The following BCAR1 variants were observed in gnomAD, a reference collection of about 807,000 sequenced individuals.
BCAR1 encodes the protein BCAR1 scaffold protein, Cas family member.
Under a neutral mutation model 67.6 loss-of-function variants are expected in BCAR1, and 30 were observed. The ratio of observed to expected loss-of-function variants is 0.44; its 90% CI spans 0.33 to 0.60. BCAR1 has a LOEUF of 0.60. Ranked by LOEUF, BCAR1 falls within the 20% of genes least tolerant of loss-of-function variation. The probability of loss-of-function intolerance (pLI) is 0.02; values close to 1 mark genes in which losing one functional copy is unlikely to be tolerated. For synonymous variants in BCAR1, 626 were observed against 556.7 expected (o/e 1.12, Z -1.75); for missense variants, 1,313 against 1,222.3 (o/e 1.07, Z -1.11).
chr16:75,244,881 G>A (rs2077467128), intron 1 of BCAR1, among the ~76,000 whole-genome samples: 1 of 152,248 alleles, frequency 6.6e-6, no homozygotes. Flanking sequence ...AAAATGTCCT[G>A]TGAAACGTAA....
At position 75,229,651 on chromosome 16, in the gene BCAR1, C is replaced by A. The variant is rs201441367; in HGVS notation, c.2473G>T (p.Gly825Cys). The stretch of plus-strand genomic sequence containing the variant: ...GCGGCCTTGGTGGTGGCCACGATGC[C>A]GCGCAGGAGGTCGCACAGCAGGTTG... The part of the protein sequence containing the change: ...YSNLLCDLLR[G>C]IVATTKAAAL... Residue 825 changes from glycine (G) to cysteine (C), a missense_variant, in exon 7 of 7, where the codon GGC becomes TGC. Gly to Cys is a radical substitution (Grantham distance 159). Transcript: ENST00000162330. 6.2e-7 allele frequency: 1 copy of A among 1,612,718 alleles called. No homozygotes were observed. Among genetic ancestry groups the A allele is most frequent in the East Asian group, 2.2e-5 (1 of 44,868 alleles).
At chr16:75,264,239 G>A (rs967301444) in intron 1 of BCAR1, 26 of 1,369,966 alleles carry the variant, frequency 1.9e-5, no homozygotes, top group Non-Finnish European at 2.5e-5. Context: ...CCAGAGCTTG[G>A]CTCTGACTGT....
chr16:75,250,255 C>T (rs1172153708), intron 1 of BCAR1, among the ~76,000 whole-genome samples: 1 of 152,194 alleles, frequency 6.6e-6, no homozygotes, highest in Non-Finnish European at 1.5e-5. Context: ...GTGTCAGCAG[C>T]TCCTCCCCAA....
Position 75,237,463 on chromosome 16 carries a change from G to A in BCAR1, c.634-119C>T, listed in dbSNP as rs528853457. ...GCAGGGCACACCAGGTGGAAGGGAC[G>A]GGGCTCCCCAAGGATGCCAGTTCTC... is the stretch of plus-strand genomic sequence containing the variant. On this transcript the variant is annotated intron_variant, in intron 2 of 6. Transcript: ENST00000162330. 248 of 1,252,828 alleles carry A rather than the reference G, an allele frequency of 2.0e-4. 2 individuals carry two copies. The South Asian group carries it at 2.9e-3, about 14-fold the overall frequency. 77.6% of individuals were successfully genotyped at this position (1,252,828 alleles called of 1,614,324 possible).
rs955870819 is a variant in BCAR1 at position 75,244,385 on chromosome 16, C to A, written c.13-1295G>T. Among the ~76,000 whole-genome samples the A allele has an allele frequency of 1.6e-4, 24 of 152,352 alleles. 1 individual carries two copies. Among genetic ancestry groups the A allele is most frequent in the Admixed American group, 1.2e-3 (19 of 15,300 alleles). On this transcript the variant is annotated intron_variant, in intron 1 of 6. Transcript: ENST00000162330. The stretch of plus-strand genomic sequence containing the variant: ...CTTGGGCAGAAACAGGAAGCAGGAG[C>A]CTGTGCCTTGGGGCAGAGGAGTGGG...
intron 1 of BCAR1, chr16:75,248,222 GGA>G (rs2077577973): frequency 1.3e-6 from 2 of 1,541,598 alleles, no homozygotes; most frequent in Admixed American, 3.6e-5. Flanking sequence ...AACCACCAGA[GGA>G]AATGTCACAG....
intron 1 of BCAR1, among the ~76,000 whole-genome samples, chr16:75,262,103 A>C (rs6564243): frequency 0.87 from 131,600 of 151,820 alleles, 57,355 homozygotes; most frequent in East Asian, 1. Context: ...AGAGCCCTTG[A>C]CCTTGACCCA....
intron 1 of BCAR1, among the ~76,000 whole-genome samples, chr16:75,244,274 T>C (rs1293908250): frequency 6.6e-6 from 1 of 152,240 alleles, no homozygotes; most frequent in Non-Finnish European, 1.5e-5. Context: ...AGCCAGTAGC[T>C]GTGTGACCAT....
At chr16:75,238,983 T>C in intron 2 of BCAR1, 1 of 985,292 alleles carries the variant, frequency 1.0e-6, no homozygotes, top group Non-Finnish European at 1.2e-6. Flanking sequence ...CCGGTGGCCA[T>C]CCCAACCTCA....
chr16:75,253,991 G>A (rs567762383), upstream of BCAR1, among the ~76,000 whole-genome samples: 35 of 149,136 alleles, frequency 2.3e-4, no homozygotes, highest in Non-Finnish European at 4.7e-4. Context: ...TTTTGAGATG[G>A]GGTTTCACCA....
chr16:75,242,368 C>T (rs2077372585), intron 2 of BCAR1, 102 bp downstream of exon 2: 12 of 1,318,308 alleles, frequency 9.1e-6, no homozygotes, highest in Non-Finnish European at 1.2e-5. Flanking sequence ...ACAGCCACTC[C>T]TGGAATGCCG....
In BCAR1 at chr16:75,229,422, A is replaced by G; in HGVS notation, c.*89T>C. On this transcript the variant is annotated 3_prime_UTR_variant, in exon 7 of 7. Transcript: ENST00000162330. ...GACGCAGAGCTGGGGTCCTGTCCCT[A>G]AGCCTGTGGCACAGCGACTCTTGAC... 1 of 1,437,064 alleles carries G rather than the reference A, an allele frequency of 7.0e-7. No homozygotes were observed. Among genetic ancestry groups the G allele is most frequent in the Admixed American group, 2.6e-5 (1 of 38,302 alleles). The allele number at this position is 1,437,064 out of a possible 1,614,324, so 89.0% of individuals were successfully genotyped here.
intron 1 of BCAR1, chr16:75,266,827 G>A: frequency 4.6e-6 from 6 of 1,310,566 alleles, no homozygotes; most frequent in Non-Finnish European, 4.9e-6. Flanking sequence ...GGAGGTCAGC[G>A]CTGCCCACCC....
intron 1 of BCAR1, among the ~76,000 whole-genome samples, chr16:75,257,379 C>T (rs1235240732): frequency 2.6e-5 from 4 of 152,190 alleles, no homozygotes; most frequent in African/African-American, 4.8e-5. Context: ...CAAGAGGGGA[C>T]CCTGGGGGCT....
intron 1 of BCAR1, among the ~76,000 whole-genome samples, chr16:75,245,630 G>A (rs143268269): frequency 1.4e-4 from 22 of 152,336 alleles, no homozygotes; most frequent in Non-Finnish European, 3.2e-4. Context: ...GTCTGGGGCC[G>A]CTGAAGCCAG....
chr16:75,254,210 T>TA (rs1469483234), upstream of BCAR1, among the ~76,000 whole-genome samples: 2 of 152,246 alleles, frequency 1.3e-5, no homozygotes, highest in East Asian at 3.9e-4. Context: ...ATGGGGCTGC[T>TA]AGACCTCAGC....
chr16:75,240,204 C>T (rs1234002175), intron 2 of BCAR1, among the ~76,000 whole-genome samples: 1 of 152,218 alleles, frequency 6.6e-6, no homozygotes, highest in Non-Finnish European at 1.5e-5. Flanking sequence ...AGTGTCCCTC[C>T]CGCCCACGTG....
Position 75,229,403 on chromosome 16 carries a change from G to GAAC in BCAR1, c.*107_*108insGTT. 7.2e-7 allele frequency: 1 copy of GAAC among 1,396,238 alleles called. No homozygotes were observed. Among genetic ancestry groups the GAAC allele is most frequent in the East Asian group, 2.5e-5 (1 of 39,574 alleles). 86.5% of individuals were successfully genotyped at this position (1,396,238 alleles called of 1,614,324 possible). On this transcript the variant is annotated 3_prime_UTR_variant, in exon 7 of 7. Transcript: ENST00000162330. The stretch of plus-strand genomic sequence containing the variant: ...CATCCAGGGCACCAGGACCGACGCA[G>GAAC]AGCTGGGGTCCTGTCCCTAAGCCTG...
chr16:75,255,338 C>T (rs2077750188), upstream of BCAR1, among the ~76,000 whole-genome samples: 1 of 152,122 alleles, frequency 6.6e-6, no homozygotes. Flanking sequence ...GAGGTGAGCA[C>T]TGCCAGCCCC....
Sources: allele counts gnomAD v4.1 joint callset (sites outside exome capture counted in the v4.1 genomes callset), GRCh38; gene constraint gnomAD v4.1.1; transcripts MANE v1.5; gene names NCBI Gene and HGNC (gene_info 2026-07-23, HGNC 2026-07-21).